The following PACRG variants were observed in gnomAD, a reference collection of about 807,000 sequenced individuals.
PACRG encodes parkin coregulated, also known as parkin coregulated gene protein.
A neutral mutation model predicts 29.7 loss-of-function variants in PACRG; 29 were observed. That is an observed-to-expected ratio of 0.98 (90% CI 0.73 to 1.33). The LOEUF (loss-of-function observed/expected upper bound fraction) is 1.33. PACRG is among the 40% of genes most tolerant of loss of function. PACRG has a pLI of 0.00. For missense variants in PACRG, 279 were observed against 316.2 expected (o/e 0.88, Z 0.89); for synonymous variants, 116 against 118.7 (o/e 0.98, Z 0.15).
intron 2 of PACRG, among the ~76,000 whole-genome samples, chr6:163,041,241 G>A (rs1424721641): frequency 2.0e-5 from 3 of 152,116 alleles, no homozygotes; most frequent in Non-Finnish European, 4.4e-5. Flanking sequence ...GGAGGGTGAG[G>A]CAGGAGAATG....
At chr6:162,949,031 T>A (rs943535709) in intron 2 of PACRG, among the ~76,000 whole-genome samples, 3 of 152,136 alleles carry the variant, frequency 2.0e-5, no homozygotes, top group African/African-American at 7.2e-5. Flanking sequence ...GAAATCAGTA[T>A]ATCAAAAAGA....
intron 4 of PACRG, among the ~76,000 whole-genome samples, chr6:163,095,806 A>G (rs1425943663): frequency 2.6e-5 from 4 of 152,126 alleles, no homozygotes. Flanking sequence ...AACTACTTTC[A>G]TTGGCAATGA....
chr6:162,948,502 T>C (rs1011453010), intron 2 of PACRG, among the ~76,000 whole-genome samples: 1 of 152,036 alleles, frequency 6.6e-6, no homozygotes, highest in Admixed American at 6.6e-5. Flanking sequence ...GGCTAAGACC[T>C]TAAAACCATA....
At chr6:162,907,272 T>C (rs918214680) in intron 2 of PACRG, among the ~76,000 whole-genome samples, 4 of 152,218 alleles carry the variant, frequency 2.6e-5, no homozygotes, top group Non-Finnish European at 5.9e-5. Context: ...AGTTTAAAAA[T>C]GGCTTAGATT....
intron 4 of PACRG, among the ~76,000 whole-genome samples, chr6:163,131,187 A>T (rs1452081203): frequency 2.0e-5 from 3 of 152,162 alleles, no homozygotes; most frequent in Non-Finnish European, 2.9e-5. Context: ...GGGCGCCTGT[A>T]GTCCCAGCTA....
chr6:163,199,904 G>A (rs574883535), intron 4 of PACRG, among the ~76,000 whole-genome samples: 1 of 152,082 alleles, frequency 6.6e-6, no homozygotes, highest in Non-Finnish European at 1.5e-5. Context: ...ATACTGTGAG[G>A]GTTATATTTG....
At chr6:163,060,948 G>A (rs1383298683) in intron 2 of PACRG, 2 of 151,472 alleles carry the variant, frequency 1.3e-5, no homozygotes, top group Admixed American at 1.3e-4. Flanking sequence ...TATATATAAT[G>A]TATGGACTAT....
At chr6:162,985,164 C>T (rs558282785) in intron 2 of PACRG, among the ~76,000 whole-genome samples, 5 of 152,004 alleles carry the variant, frequency 3.3e-5, no homozygotes, top group African/African-American at 1.2e-4. Context: ...GACACTATTC[C>T]AAAAGATAGA....
At chr6:163,072,012 A>G (rs1002510177) in intron 3 of PACRG, among the ~76,000 whole-genome samples, 1 of 148,816 alleles carries the variant, frequency 6.7e-6, no homozygotes, top group African/African-American at 2.5e-5. Context: ...TTCAAGAAGA[A>G]CTAATACCAA....
chr6:163,151,509 T>C (rs1471215499), intron 4 of PACRG, among the ~76,000 whole-genome samples: 1 of 152,168 alleles, frequency 6.6e-6, no homozygotes, highest in Non-Finnish European at 1.5e-5. Context: ...GTGTTTTTCT[T>C]TGGTGTTCCT....
intron 2 of PACRG, among the ~76,000 whole-genome samples, chr6:162,821,272 A>C (rs1787818570): frequency 6.6e-6 from 1 of 152,174 alleles, no homozygotes; most frequent in African/African-American, 2.4e-5. Flanking sequence ...TCTGTTCTTC[A>C]AACTAGGGCA....
At chr6:162,842,615 A>T (rs1789901781) in intron 2 of PACRG, among the ~76,000 whole-genome samples, 2 of 116,436 alleles carry the variant, frequency 1.7e-5, no homozygotes, top group South Asian at 6.8e-4. Context: ...TAATATTGTT[A>T]TGTGTGAATT....
At chr6:163,135,934 G>T (rs2128331716) in intron 4 of PACRG, among the ~76,000 whole-genome samples, 1 of 152,168 alleles carries the variant, frequency 6.6e-6, no homozygotes, top group South Asian at 2.1e-4. Flanking sequence ...TCTAAAAATT[G>T]CCTATTTCAA....
At chr6:163,083,749 C>T (rs1813288980) in intron 3 of PACRG, among the ~76,000 whole-genome samples, 1 of 152,118 alleles carries the variant, frequency 6.6e-6, no homozygotes. Flanking sequence ...AAGCTATTAA[C>T]ATTTAAAGCA....
chr6:162,788,544 G>A (rs1784692679), intron 1 of PACRG, among the ~76,000 whole-genome samples: 1 of 152,168 alleles, frequency 6.6e-6, no homozygotes, highest in African/African-American at 2.4e-5. Context: ...GTGATTGCTG[G>A]ATGATAGGGA....
chr6:162,883,951 T>C (rs1205873935), intron 2 of PACRG, among the ~76,000 whole-genome samples: 4 of 152,162 alleles, frequency 2.6e-5, no homozygotes, highest in Non-Finnish European at 5.9e-5. Flanking sequence ...TTTGTTTCGT[T>C]ATTTTGAGAC....
chr6:163,272,594 A>G (rs188555444), intron 4 of PACRG, among the ~76,000 whole-genome samples: 1 of 152,142 alleles, frequency 6.6e-6, no homozygotes, highest in African/African-American at 2.4e-5. Flanking sequence ...AACAGTGAAG[A>G]TACTGGTGAG....
intron 1 of PACRG, among the ~76,000 whole-genome samples, chr6:162,798,973 C>G (rs1785612101): frequency 6.6e-6 from 1 of 152,110 alleles, no homozygotes; most frequent in African/African-American, 2.4e-5. Flanking sequence ...GTAAATAACG[C>G]TATGCAAAAA....
intron 2 of PACRG, among the ~76,000 whole-genome samples, chr6:162,959,262 T>A (rs1800409185): frequency 6.6e-6 from 1 of 151,830 alleles, no homozygotes; most frequent in African/African-American, 2.4e-5. Flanking sequence ...ACAATAATTG[T>A]TAAAAGATGG....
Sources: gnomAD v4.1 joint callset for allele counts (sites outside exome capture counted in the v4.1 genomes callset) on GRCh38, gnomAD v4.1.1 for gene constraint, MANE v1.5 for transcripts, NCBI Gene and HGNC (gene_info 2026-07-23, HGNC 2026-07-21) for gene names.